LHFPL3: variants seen among roughly 807,000 people sequenced by gnomAD.
LHFPL3 encodes the protein LHFPL tetraspan subfamily member 3.
Under a neutral mutation model 19.3 loss-of-function variants are expected in LHFPL3, and 5 were observed. That is an observed-to-expected ratio of 0.26 (90% CI 0.14 to 0.54). The LOEUF is 0.54. LHFPL3 is among the 20% of genes least tolerant of loss of function. The pLI, the probability that LHFPL3 is intolerant of heterozygous loss-of-function variation, is 0.94. For synonymous variants in LHFPL3, 133 were observed against 126.2 expected (o/e 1.05, Z -0.36); for missense variants, 249 against 307.4 (o/e 0.81, Z 1.42).
chr7:104,668,341 A>G lies in LHFPL3; in HGVS notation c.446-68334A>G, dbSNP rs1792400347. Reference sequence around the variant, plus strand: ...CGGGATTCTGACAAAACAGATACAGACTGGAGGGCTCGTCCTGCTACAGAC... The same window carrying G: ...CGGGATTCTGACAAAACAGATACAGGCTGGAGGGCTCGTCCTGCTACAGAC... On this transcript the variant is annotated intron_variant, in intron 1 of 2. Transcript: ENST00000424859. 1.9e-6 allele frequency: 3 copies of G among 1,594,408 alleles called. No homozygotes were observed. The South Asian group carries it at 3.3e-5, about 18-fold the overall frequency.
At chr7:104,730,638 G>C (rs1292538665) in intron 1 of LHFPL3, among the ~76,000 whole-genome samples, 1 of 152,116 alleles carries the variant, frequency 6.6e-6, no homozygotes, top group Non-Finnish European at 1.5e-5. Context: ...GTAGATTCTG[G>C]ATATTAGCCC....
At chr7:104,601,922 C>T (rs1790977024) in intron 1 of LHFPL3, among the ~76,000 whole-genome samples, 1 of 152,058 alleles carries the variant, frequency 6.6e-6, no homozygotes, top group Non-Finnish European at 1.5e-5. Context: ...CAGACAGAGC[C>T]CCTGAATCAC....
chr7:104,824,698 T>C (rs1790780597), intron 2 of LHFPL3, among the ~76,000 whole-genome samples: 1 of 99,468 alleles, frequency 1.0e-5, no homozygotes. Context: ...ATATATTATA[T>C]ATATTATATA....
intron 1 of LHFPL3, among the ~76,000 whole-genome samples, chr7:104,434,551 G>C (rs4730010): frequency 0.2 from 30,933 of 152,090 alleles, 3,586 homozygotes; most frequent in Admixed American, 0.33. Context: ...AGTGAACTTA[G>C]ATGCAAGATC....
At chr7:104,535,576 A>T (rs960688809) in intron 1 of LHFPL3, among the ~76,000 whole-genome samples, 1 of 152,198 alleles carries the variant, frequency 6.6e-6, no homozygotes, top group Non-Finnish European at 1.5e-5. Flanking sequence ...TCTGATGGGG[A>T]GTAATCCTTT....
At chr7:104,851,132 A>G (rs2116614090) in intron 2 of LHFPL3, among the ~76,000 whole-genome samples, 1 of 152,372 alleles carries the variant, frequency 6.6e-6, no homozygotes, top group African/African-American at 2.4e-5. Context: ...CCAAGTCTTC[A>G]GATGGGATTG....
intron 2 of LHFPL3, among the ~76,000 whole-genome samples, chr7:104,809,051 G>A (rs1790419400): frequency 1.3e-5 from 2 of 151,800 alleles, no homozygotes; most frequent in Non-Finnish European, 2.9e-5. Flanking sequence ...GGTGCCACCA[G>A]GCCCAGCTAA....
intron 1 of LHFPL3, among the ~76,000 whole-genome samples, chr7:104,618,031 G>T (rs1213578533): frequency 6.6e-6 from 1 of 152,154 alleles, no homozygotes; most frequent in South Asian, 2.1e-4. Context: ...ACTGCCCAAT[G>T]TCTTGGTTCT....
intron 2 of LHFPL3, among the ~76,000 whole-genome samples, chr7:104,854,306 G>A (rs554367536): frequency 2.0e-5 from 3 of 152,282 alleles, no homozygotes; most frequent in African/African-American, 7.2e-5. Context: ...ATTCTTCATT[G>A]ATAAGTCTGA....
chr7:104,492,439 T>A (rs952669900), intron 1 of LHFPL3, among the ~76,000 whole-genome samples: 1 of 152,230 alleles, frequency 6.6e-6, no homozygotes, highest in Admixed American at 6.5e-5. Flanking sequence ...GTTCAAGACA[T>A]GTCAGACCCG....
At chr7:104,358,390 A>G (rs564321877) in intron 1 of LHFPL3, among the ~76,000 whole-genome samples, 1 of 152,274 alleles carries the variant, frequency 6.6e-6, no homozygotes, top group African/African-American at 2.4e-5. Flanking sequence ...ATTGAAACAT[A>G]CTTCTCTTTG....
chr7:104,667,127 C>CT (rs1183690558), intron 1 of LHFPL3, among the ~76,000 whole-genome samples: 4 of 152,014 alleles, frequency 2.6e-5, no homozygotes, highest in Non-Finnish European at 4.4e-5. Flanking sequence ...TATAAGAGTT[C>CT]TTTTTTCTCT....
intron 1 of LHFPL3, among the ~76,000 whole-genome samples, chr7:104,488,797 C>T (rs1584354569): frequency 6.6e-6 from 1 of 152,308 alleles, no homozygotes; most frequent in East Asian, 1.9e-4. Context: ...CCAGAGCACA[C>T]AGCAAAGTTC....
chr7:104,566,811 A>G (rs1011983116), intron 1 of LHFPL3, among the ~76,000 whole-genome samples: 2 of 152,240 alleles, frequency 1.3e-5, no homozygotes, highest in Non-Finnish European at 2.9e-5. Context: ...TGTTTATTCA[A>G]GCACCAAAGG....
chr7:104,894,969 A>C (rs1309502169), intron 2 of LHFPL3: 1 of 152,210 alleles, frequency 6.6e-6, no homozygotes, highest in Non-Finnish European at 1.5e-5. Context: ...TGGGATCTCA[A>C]TACTGATTCT....
At chr7:104,588,456 G>T (rs1026870186) in intron 1 of LHFPL3, among the ~76,000 whole-genome samples, 4 of 152,138 alleles carry the variant, frequency 2.6e-5, no homozygotes, top group African/African-American at 9.7e-5. Flanking sequence ...TGAGGGTTCT[G>T]TTCTGTTCCA....
intron 2 of LHFPL3, among the ~76,000 whole-genome samples, chr7:104,828,605 C>A (rs915303722): frequency 1.3e-5 from 2 of 151,966 alleles, no homozygotes; most frequent in African/African-American, 4.8e-5. Context: ...GCAGCAAAGC[C>A]CTCTTAGGAA....
At chr7:104,410,636 T>G (rs2116511983) in intron 1 of LHFPL3, among the ~76,000 whole-genome samples, 1 of 152,306 alleles carries the variant, frequency 6.6e-6, no homozygotes, top group Non-Finnish European at 1.5e-5. Context: ...CATTTGTGAG[T>G]TATAGCACAT....
intron 1 of LHFPL3, among the ~76,000 whole-genome samples, chr7:104,351,847 C>T (rs1156881992): frequency 6.6e-6 from 1 of 152,158 alleles, no homozygotes; most frequent in South Asian, 2.1e-4. Context: ...ACCTGTGCTT[C>T]TCTTGGTCTC....
Sources: gnomAD v4.1 joint callset for allele counts (sites outside exome capture counted in the v4.1 genomes callset) on GRCh38, gnomAD v4.1.1 for gene constraint, MANE v1.5 for transcripts, NCBI Gene and HGNC (gene_info 2026-07-23, HGNC 2026-07-21) for gene names.